Variants in OR52K1 observed in about 807,000 individuals in gnomAD.
The protein encoded by OR52K1 is olfactory receptor family 52 subfamily K member 1.
In OR52K1, 10 loss-of-function variants were observed where a neutral mutation model predicts 8.7. The observed-to-expected ratio is 1.15, with a 90% CI of 0.71 to 1.95. The LOEUF (loss-of-function observed/expected upper bound fraction) is 1.95, where lower values mean the gene tolerates loss of function less well. OR52K1 is among the 30% of genes most tolerant of loss of function. The pLI is 0.00. For synonymous variants in OR52K1, 203 were observed against 148.5 expected (o/e 1.37, Z -2.67); for missense variants, 431 against 397.2 (o/e 1.08, Z -0.72).
Position 4,492,284 on chromosome 11 carries a change from T to C in OR52K1, c.*2439T>C, listed in dbSNP as rs982467381. 1 of 149,522 alleles carries C rather than the reference T, an allele frequency of 6.7e-6. No homozygotes were observed. Among genetic ancestry groups the C allele is most frequent in the Non-Finnish European group, 1.5e-5 (1 of 67,360 alleles). 9.3% of individuals were successfully genotyped at this position (149,522 alleles called of 1,614,324 possible). ...TGTTTGAGCTGCTAAAAAAAAAAAA[T>C]AAACTTTAAAATATGGCTGGAAAGC... On this transcript the variant is annotated 3_prime_UTR_variant, in exon 2 of 2. Coordinates refer to ENST00000641528, the MANE Select transcript of OR52K1 (RefSeq NM_001005171.3).
intron 1 of OR52K1, among the ~76,000 whole-genome samples, chr11:4,484,668 T>G (rs1377694054): frequency 1.3e-5 from 2 of 151,938 alleles, no homozygotes; most frequent in Admixed American, 1.3e-4. Context: ...TTTCAGGATA[T>G]GTTTATATTC....
rs1049303824 is a variant in OR52K1, at chr11:4,488,837, G to A, written c.-64G>A. 2 of 1,111,260 alleles carry A rather than the reference G, an allele frequency of 1.8e-6. No homozygotes were observed. Among genetic ancestry groups the A allele is most frequent in the East Asian group, 4.7e-5 (2 of 42,698 alleles). The allele number at this position is 1,111,260 out of a possible 1,614,324, so 68.8% of individuals were successfully genotyped here. A position where few individuals can be genotyped will look rare whatever the true frequency, so the allele number is the denominator to read the frequency against. Reference sequence around the variant, plus strand: ...AGGTTGAACTCTAATCATATATACTGTAGAAGGTATATATAGAAGGTGAAG... The same window carrying A: ...AGGTTGAACTCTAATCATATATACTATAGAAGGTATATATAGAAGGTGAAG... On this transcript the variant is annotated 5_prime_UTR_variant, in exon 2 of 2. Coordinates refer to ENST00000641528, the MANE Select transcript of OR52K1 (RefSeq NM_001005171.3).
chr11:4,483,536 T>G (rs1036018754), intron 1 of OR52K1, among the ~76,000 whole-genome samples: 2 of 152,050 alleles, frequency 1.3e-5, no homozygotes, highest in African/African-American at 2.4e-5. Context: ...TTCTGAGGAG[T>G]TGATTTTAGA....
intron 1 of OR52K1, among the ~76,000 whole-genome samples, chr11:4,484,713 C>A (rs72851948): frequency 0.035 from 5,362 of 151,866 alleles, 133 homozygotes; most frequent in Middle Eastern, 0.071. Context: ...TAGAAAGATG[C>A]AATATTCACG....
rs146573686 is a variant in OR52K1, at chr11:4,482,982, G to A, written c.-523G>A. The A allele has an allele frequency of 4.1e-4, 162 of 394,596 alleles. No homozygotes were observed. Among genetic ancestry groups the A allele is most frequent in the Admixed American group, 3.2e-3 (73 of 22,634 alleles). 24.4% of individuals were successfully genotyped at this position (394,596 alleles called of 1,614,324 possible). A position where few individuals can be genotyped will look rare whatever the true frequency, so the allele number is the denominator to read the frequency against. ...GCTCTCCCCACCACAGAGGATGCCT[G>A]CTTCCGTCCTATGCCAAACACTGTG... On this transcript the variant is annotated 5_prime_UTR_variant, in exon 1 of 2. Transcript: ENST00000641528.
In OR52K1 at chr11:4,490,616, C is replaced by G. The variant is rs1035185671; in HGVS notation, c.*771C>G. ...ATGAACCATGAAAAGAGAAATAACA[C>G]CCTTCCCTCTTGAAGCTGAGATTTC... On this transcript the variant is annotated 3_prime_UTR_variant, in exon 2 of 2. Transcript: ENST00000641528. 1.3e-5 allele frequency: 2 copies of G among 152,164 alleles called. No individual in the cohort carries two copies. The highest frequency in any genetic ancestry group is 2.9e-5 in the Non-Finnish European group (2 of 68,034). The allele number at this position is 152,164 out of a possible 1,614,324, so 9.4% of individuals were successfully genotyped here.
At position 4,489,219 on chromosome 11, in the gene OR52K1, C is replaced by T. The variant is rs751737693; in HGVS notation, c.319C>T (p.His107Tyr). The part of the protein sequence containing the change: ...FACLVQMFFL[H>Y]SFSIMESAVL... ...CTGTCTGGTCCAGATGTTCTTCCTT[C>T]ACTCCTTCTCCATCATGGAGTCAGC... The change falls in exon 2 of 2, where the codon CAC becomes TAC. Residue 107 changes from histidine (H) to tyrosine (Y), a missense_variant. Transcript: ENST00000641528. 1.9e-6 allele frequency: 3 copies of T among 1,614,226 alleles called. No individual in the cohort carries two copies. The highest frequency in any genetic ancestry group is 2.2e-5 in the South Asian group (2 of 91,086).
chr11:4,486,245 G>T (rs1846319876), intron 1 of OR52K1, among the ~76,000 whole-genome samples: 1 of 152,138 alleles, frequency 6.6e-6, no homozygotes, highest in African/African-American at 2.4e-5. Flanking sequence ...TACACTCCTT[G>T]GGTCATCCTT....
Position 4,489,896 on chromosome 11 carries a change from A to G in OR52K1, c.*51A>G, listed in dbSNP as rs769468504. 6.0e-6 allele frequency: 8 copies of G among 1,341,306 alleles called. No individual in the cohort carries two copies. The highest frequency in any genetic ancestry group is 1.9e-4 in the Middle Eastern group (1 of 5,300). The allele number at this position is 1,341,306 out of a possible 1,614,324, so 83.1% of individuals were successfully genotyped here. A position where few individuals can be genotyped will look rare whatever the true frequency, so the allele number is the denominator to read the frequency against. Reference sequence around the variant, plus strand: ...ACTTGCCAAGTAATGAGAATGCTGGATTGGGGTTGAGGGGAAAAATCTAAA... The same window carrying G: ...ACTTGCCAAGTAATGAGAATGCTGGGTTGGGGTTGAGGGGAAAAATCTAAA... On this transcript the variant is annotated 3_prime_UTR_variant, in exon 2 of 2. Transcript: ENST00000641528.
At position 4,482,897 on chromosome 11, in the gene OR52K1, A is replaced by T; in HGVS notation, c.-608A>T. On this transcript the variant is annotated 5_prime_UTR_variant, in exon 1 of 2. Transcript: ENST00000641528. Reference sequence around the variant, plus strand: ...GTTATTGCTTCTACTCTGGTCCTTCAATAGAGGGAACAGAAGTCTCGATAG... The same window carrying T: ...GTTATTGCTTCTACTCTGGTCCTTCTATAGAGGGAACAGAAGTCTCGATAG... 2.7e-6 allele frequency: 1 copy of T among 371,430 alleles called. No homozygotes were observed. Among genetic ancestry groups the T allele is most frequent in the Non-Finnish European group, 4.8e-6 (1 of 209,408 alleles). The allele number at this position is 371,430 out of a possible 1,614,324, so 23.0% of individuals were successfully genotyped here.
rs2133108790 is a variant in OR52K1, at chr11:4,489,959, A to G, written c.*114A>G. 5 of 757,252 alleles carry G rather than the reference A, an allele frequency of 6.6e-6. No homozygotes were observed. Among genetic ancestry groups the G allele is most frequent in the South Asian group, 1.8e-5 (1 of 57,034 alleles). The allele number at this position is 757,252 out of a possible 1,614,324, so 46.9% of individuals were successfully genotyped here. On this transcript the variant is annotated 3_prime_UTR_variant, in exon 2 of 2. Coordinates refer to ENST00000641528, the MANE Select transcript of OR52K1 (RefSeq NM_001005171.3). ...AGAGTATCTTTGACAATTCTCTAGTATGATAAGGAAAATGAGGTTTCATTC... is the reference window on the plus strand; with the variant it reads ...AGAGTATCTTTGACAATTCTCTAGTGTGATAAGGAAAATGAGGTTTCATTC...
rs998015277 is a variant in OR52K1 at position 4,491,445 on chromosome 11, G to A, written c.*1600G>A. On this transcript the variant is annotated 3_prime_UTR_variant, in exon 2 of 2. Transcript: ENST00000641528. The stretch of plus-strand genomic sequence containing the variant: ...TCCTTTAGTGGGTATGTACCCAAAG[G>A]AACCTAAGTTGTTCTACCATAAAGA... The A allele has an allele frequency of 1.3e-5, 2 of 152,126 alleles. No individual in the cohort carries two copies. Among genetic ancestry groups the A allele is most frequent in the African/African-American group, 2.4e-5 (1 of 41,434 alleles). The allele number at this position is 152,126 out of a possible 1,614,324, so 9.4% of individuals were successfully genotyped here.
rs1464319659 is a variant in OR52K1, at chr11:4,488,904, C to A, written c.4C>A (p.Leu2Ile). 8 of 1,344,614 alleles carry A rather than the reference C, an allele frequency of 5.9e-6. No individual in the cohort carries two copies. Among genetic ancestry groups the A allele is most frequent in the African/African-American group, 4.3e-5 (3 of 68,970 alleles). 83.3% of individuals were successfully genotyped at this position (1,344,614 alleles called of 1,614,324 possible). A position where few individuals can be genotyped will look rare whatever the true frequency, so the allele number is the denominator to read the frequency against. The change falls in exon 2 of 2, where the codon CTT becomes ATT. Residue 2 changes from leucine to isoleucine, a missense_variant. Physicochemically the swap from Leu to Ile is conservative, Grantham distance 5. Transcript: ENST00000641528. M[L>I]PSNITSTHPA... ...GACAAGGAGATTTCCAGGAGCCATG[C>A]TTCCCTCTAATATCACCTCAACACA...
At chr11:4,486,880 G>A (rs531907500) in intron 1 of OR52K1, among the ~76,000 whole-genome samples, 2 of 152,310 alleles carry the variant, frequency 1.3e-5, no homozygotes, top group South Asian at 4.1e-4. Context: ...AATACTTACA[G>A]TTAGGGCAGA....
Position 4,489,813 on chromosome 11 carries a change from G to A in OR52K1, c.913G>A (p.Val305Met), listed in dbSNP as rs1337996267. Residue 305 changes from valine to methionine, a missense_variant, in exon 2 of 2, where the codon GTG (valine) becomes ATG (methionine). Val to Met is a conservative substitution (Grantham distance 21). Coordinates refer to ENST00000641528, the MANE Select transcript of OR52K1 (RefSeq NM_001005171.3). ...CAAGACCAAGCAGATTCGTGAGTATGTGCTCAGTCTATTCCAGAGAAAGAA... is the reference window on the plus strand; with the variant it reads ...CAAGACCAAGCAGATTCGTGAGTATATGCTCAGTCTATTCCAGAGAAAGAA... ...GVKTKQIREY[V>M]LSLFQRKNM 1 of 1,612,330 alleles carries A rather than the reference G, an allele frequency of 6.2e-7. No homozygotes were observed. The highest frequency in any genetic ancestry group is 1.7e-5 in the Admixed American group (1 of 59,970).
Position 4,489,016 on chromosome 11 carries a change from T to C in OR52K1, c.116T>C (p.Leu39Pro), listed in dbSNP as rs1175025958. The C allele has an allele frequency of 6.2e-7, 1 of 1,614,200 alleles. No homozygotes were observed. The highest frequency in any genetic ancestry group is 2.2e-5 in the East Asian group (1 of 44,882). ...ISIPFCFAYTLALLGNCTLLF... is the reference protein window; with the variant it reads ...ISIPFCFAYTPALLGNCTLLF... ...ATCCCCTTCTGCTTTGCTTATACTCTGGCCCTGCTAGGCAACTGTACCCTT... is the reference window on the plus strand; with the variant it reads ...ATCCCCTTCTGCTTTGCTTATACTCCGGCCCTGCTAGGCAACTGTACCCTT... The change falls in exon 2 of 2, where the codon CTG (leucine) becomes CCG (proline). Residue 39 changes from leucine to proline, a missense_variant. Physicochemically the swap from Leu to Pro is moderately conservative, Grantham distance 98. Transcript: ENST00000641528.
chr11:4,492,606 A>C lies in OR52K1; in HGVS notation c.*2761A>C, dbSNP rs571409194. 3.9e-5 allele frequency: 6 copies of C among 152,230 alleles called. No homozygotes were observed. Among genetic ancestry groups the C allele is most frequent in the Non-Finnish European group, 7.3e-5 (5 of 68,042 alleles). 9.4% of individuals were successfully genotyped at this position (152,230 alleles called of 1,614,324 possible). ...AAGACTGAATATTTAAAGGAAATAC[A>C]GTCTTCTTACAGCATATCATAAAAT... On this transcript the variant is annotated 3_prime_UTR_variant, in exon 2 of 2. Transcript: ENST00000641528.
In OR52K1 at chr11:4,482,734, A is replaced by G. The variant is rs1235776224; in HGVS notation, c.-771A>G. 6.2e-6 allele frequency: 1 copy of G among 160,776 alleles called. No individual in the cohort carries two copies. Among genetic ancestry groups the G allele is most frequent in the African/African-American group, 2.4e-5 (1 of 41,858 alleles). 10.0% of individuals were successfully genotyped at this position (160,776 alleles called of 1,614,324 possible). On this transcript the variant is annotated 5_prime_UTR_variant, in exon 1 of 2. In the 5' UTR this introduces an upstream ATG that the reference lacks. Coordinates refer to ENST00000641528, the MANE Select transcript of OR52K1 (RefSeq NM_001005171.3). ...GTAAGTCAGACTGAGGACTGTGGAT[A>G]CAGCTGCAACTTAGGGAAATAGAAA...
Position 4,491,090 on chromosome 11 carries a change from C to T in OR52K1, c.*1245C>T, listed in dbSNP as rs942136533. ...ATCCCCATCATTAAGCAATGCATGA[C>T]TAGTTAGACATGATTGTAGTTGTGA... On this transcript the variant is annotated 3_prime_UTR_variant, in exon 2 of 2. Transcript: ENST00000641528. The T allele has an allele frequency of 8.5e-5, 13 of 152,266 alleles. No individual in the cohort carries two copies. The highest frequency in any genetic ancestry group is 2.9e-4 in the African/African-American group (12 of 41,548). The allele number at this position is 152,266 out of a possible 1,614,324, so 9.4% of individuals were successfully genotyped here. A position where few individuals can be genotyped will look rare whatever the true frequency, so the allele number is the denominator to read the frequency against.
Sources: gnomAD v4.1 joint callset for allele counts (sites outside exome capture counted in the v4.1 genomes callset) on GRCh38, gnomAD v4.1.1 for gene constraint, MANE v1.5 for transcripts, NCBI Gene and HGNC (gene_info 2026-07-23, HGNC 2026-07-21) for gene names.